LSAMP: variants seen among roughly 807,000 people sequenced by gnomAD.
LSAMP encodes the protein limbic system associated membrane protein.
In LSAMP, 7 loss-of-function variants were observed where a neutral mutation model predicts 38.6. The ratio of observed to expected loss-of-function variants is 0.18; its 90% CI spans 0.10 to 0.34. LSAMP has a LOEUF of 0.34. Among genes scored for constraint, LSAMP ranks in the 10% least tolerant of loss-of-function variants. LSAMP has a pLI of 1.00. For synonymous variants in LSAMP, 154 were observed against 166.8 expected, an observed-to-expected ratio of 0.92 and a Z score of 0.59; for missense variants, 313 against 420.0, an observed-to-expected ratio of 0.75 and a Z score of 2.23.
At chr3:115,973,652 T>C (rs1361947493) in intron 3 of LSAMP, among the ~76,000 whole-genome samples, 1 of 152,026 alleles carries the variant, frequency 6.6e-6, no homozygotes, top group African/African-American at 2.4e-5. Flanking sequence ...GAGAATCACT[T>C]GAACCCGGGA....
intron 1 of LSAMP, among the ~76,000 whole-genome samples, chr3:116,215,173 T>C (rs1348300080): frequency 6.6e-6 from 1 of 152,158 alleles, no homozygotes; most frequent in Non-Finnish European, 1.5e-5. Flanking sequence ...ACGAAATAAA[T>C]AAACAAACAA....
At position 116,155,481 on chromosome 3, in the gene LSAMP, G is replaced by C. The variant is rs147687981; in HGVS notation, c.156-68925C>G. Among the ~76,000 whole-genome samples the C allele has an allele frequency of 8.3e-3, 1,264 of 152,112 alleles. 11 individuals are homozygous for C. Among genetic ancestry groups the C allele is most frequent in the Non-Finnish European group, 0.012 (834 of 67,998 alleles). ...GACTTCAGGTGATCCACCCACCTCTGCCTCCCAAAGTGCTGTTATTACAAG... is the reference window on the plus strand; with the variant it reads ...GACTTCAGGTGATCCACCCACCTCTCCCTCCCAAAGTGCTGTTATTACAAG... On this transcript the variant is annotated intron_variant, in intron 1 of 6. Coordinates refer to ENST00000490035, the MANE Select transcript of LSAMP (RefSeq NM_002338.5).
Position 116,445,353 on chromosome 3 carries a change from G to C in LSAMP, c.-322C>G. ...GAAAGGGTTCTTGTTTGGTCTCTCT[G>C]TGACTGGATGCTCCTCTGCCAGTGT... On this transcript the variant is annotated 5_prime_UTR_variant, in exon 1 of 7. Coordinates refer to ENST00000490035, the MANE Select transcript of LSAMP (RefSeq NM_002338.5). 1.9e-6 allele frequency: 1 copy of C among 533,670 alleles called. No individual in the cohort carries two copies. Among genetic ancestry groups the C allele is most frequent in the Non-Finnish European group, 3.3e-6 (1 of 305,464 alleles). The allele number at this position is 533,670 out of a possible 1,614,324, so 33.1% of individuals were successfully genotyped here. A position where few individuals can be genotyped will look rare whatever the true frequency, so the allele number is the denominator to read the frequency against.
intron 1 of LSAMP, among the ~76,000 whole-genome samples, chr3:116,371,647 A>T (rs926657434): frequency 2.6e-5 from 4 of 152,108 alleles, no homozygotes; most frequent in Non-Finnish European, 4.4e-5. Context: ...GTGTGCTTTC[A>T]TCACTTCTAT....
Position 116,084,260 on chromosome 3 carries a change from C to T in LSAMP, c.388+2064G>A, listed in dbSNP as rs180709435. Among the ~76,000 whole-genome samples, 293 of 152,038 alleles carry T rather than the reference C, an allele frequency of 1.9e-3. 1 individual carries two copies. The highest frequency in any genetic ancestry group is 0.017 in the Middle Eastern group (5 of 292). On this transcript the variant is annotated intron_variant, in intron 2 of 6. Transcript: ENST00000490035. ...GTTAAATTTAATTTCATTTGCACTG[C>T]CATGTCAGGAAGGTACATGCAGTAT...
intron 1 of LSAMP, among the ~76,000 whole-genome samples, chr3:116,107,549 T>C (rs1033573184): frequency 2.6e-5 from 4 of 152,050 alleles, no homozygotes; most frequent in African/African-American, 7.2e-5. Context: ...TTGTAAGGGA[T>C]TGAGGTTTGG....
At chr3:116,121,394 T>C (rs1211978347) in intron 1 of LSAMP, among the ~76,000 whole-genome samples, 2 of 151,904 alleles carry the variant, frequency 1.3e-5, no homozygotes, top group East Asian at 3.9e-4. Flanking sequence ...TAGTGGGATG[T>C]TTTTTAATCT....
intron 3 of LSAMP, among the ~76,000 whole-genome samples, chr3:115,863,604 A>G (rs1576162073): frequency 6.6e-6 from 1 of 151,806 alleles, no homozygotes; most frequent in East Asian, 1.9e-4. Flanking sequence ...ATATAAATAA[A>G]TGTTTACATA....
intron 3 of LSAMP, among the ~76,000 whole-genome samples, chr3:115,860,008 T>C (rs554396559): frequency 6.6e-6 from 1 of 152,244 alleles, no homozygotes; most frequent in Non-Finnish European, 1.5e-5. Context: ...AGAATAGCTA[T>C]GGTTACATTG....
At chr3:116,359,878 T>A (rs1319602210) in intron 1 of LSAMP, 2 of 152,130 alleles carry the variant, frequency 1.3e-5, no homozygotes, top group Admixed American at 6.5e-5. Flanking sequence ...AAAAATCCTA[T>A]AAGAAAATCT....
intron 2 of LSAMP, among the ~76,000 whole-genome samples, chr3:116,046,984 C>A (rs535099439): frequency 1.2e-4 from 19 of 152,118 alleles, no homozygotes; most frequent in African/African-American, 4.6e-4. Context: ...AATCATCTCC[C>A]GTTGCAAAGC....
At chr3:116,336,955 C>CAT (rs542169500) in intron 1 of LSAMP, among the ~76,000 whole-genome samples, 3 of 151,136 alleles carry the variant, frequency 2.0e-5, no homozygotes, top group Non-Finnish European at 4.4e-5. Flanking sequence ...CACACACACA[C>CAT]ATATATATAT....
chr3:116,265,625 C>T (rs923276387), intron 1 of LSAMP, among the ~76,000 whole-genome samples: 10 of 152,104 alleles, frequency 6.6e-5, no homozygotes, highest in East Asian at 1.9e-4. Flanking sequence ...ACACTAATGG[C>T]GTAACAGCAG....
At chr3:116,164,760 A>T (rs376580803) in intron 1 of LSAMP, among the ~76,000 whole-genome samples, 2,663 of 91,510 alleles carry the variant, frequency 0.029, 270 homozygotes, top group African/African-American at 0.051. Flanking sequence ...ATATATATAT[A>T]TTTTTTTTTT....
At chr3:116,291,650 T>C (rs556287990) in intron 1 of LSAMP, among the ~76,000 whole-genome samples, 1 of 152,336 alleles carries the variant, frequency 6.6e-6, no homozygotes, top group East Asian at 1.9e-4. Context: ...TTCAGATCTA[T>C]AAGTGAGCTT....
At chr3:115,984,445 A>G (rs1205742761) in intron 3 of LSAMP, among the ~76,000 whole-genome samples, 1 of 152,216 alleles carries the variant, frequency 6.6e-6, no homozygotes, top group Non-Finnish European at 1.5e-5. Context: ...TCCATTTTAT[A>G]GTTGCTAAAC....
At chr3:116,165,772 T>C (rs1710036292) in intron 1 of LSAMP, among the ~76,000 whole-genome samples, 1 of 152,196 alleles carries the variant, frequency 6.6e-6, no homozygotes, top group Non-Finnish European at 1.5e-5. Context: ...TTCTTAATGC[T>C]ACAAATATGC....
rs145320296 is a variant in LSAMP, at chr3:116,349,730, A to T, written c.155+95147T>A. The stretch of plus-strand genomic sequence containing the variant: ...CTGGTGCTAAGTGTTACAGGAAAAA[A>T]ATAAAGCAATGTAGTCACACGCCTG... On this transcript the variant is annotated intron_variant, in intron 1 of 6. Coordinates refer to ENST00000490035, the MANE Select transcript of LSAMP (RefSeq NM_002338.5). Among the ~76,000 whole-genome samples, 26 of 152,198 alleles carry T rather than the reference A, an allele frequency of 1.7e-4. 1 individual carries two copies. In the East Asian group the frequency reaches 5.0e-3, roughly 29 times the overall value.
chr3:116,403,635 C>T (rs1249489392), intron 1 of LSAMP, among the ~76,000 whole-genome samples: 1 of 152,032 alleles, frequency 6.6e-6, no homozygotes, highest in Non-Finnish European at 1.5e-5. Flanking sequence ...GGTTGAAATA[C>T]ATATGGGTTT....
Sources: allele counts gnomAD v4.1 joint callset (sites outside exome capture counted in the v4.1 genomes callset), GRCh38; gene constraint gnomAD v4.1.1; transcripts MANE v1.5; gene names NCBI Gene and HGNC (gene_info 2026-07-23, HGNC 2026-07-21).